Variants in MAP4 observed in about 807,000 individuals in gnomAD.
MAP4 encodes microtubule-associated protein 4.
Under a neutral mutation model 170.2 loss-of-function variants are expected in MAP4, and 76 were observed. The ratio of observed to expected loss-of-function variants is 0.45; its 90% CI spans 0.37 to 0.54. The LOEUF is 0.54. Ranked by LOEUF, MAP4 falls within the 20% of genes least tolerant of loss-of-function variation. MAP4 has a pLI of 0.00. For missense variants in MAP4, 2,506 were observed against 2,748.0 expected (o/e 0.91, Z 1.97); for synonymous variants, 909 against 994.5 (o/e 0.91, Z 1.62).
At chr3:47,959,737 C>T (rs935290826) in intron 3 of MAP4, among the ~76,000 whole-genome samples, 6 of 141,264 alleles carry the variant, frequency 4.2e-5, no homozygotes, top group Non-Finnish European at 7.5e-5. Flanking sequence ...CCACCCTGGG[C>T]GACAGAGCGA....
intron 1 of MAP4, among the ~76,000 whole-genome samples, chr3:48,052,838 G>A (rs1194283891): frequency 6.6e-6 from 1 of 152,164 alleles, no homozygotes; most frequent in Non-Finnish European, 1.5e-5. Context: ...AAATGAGCTT[G>A]CTGTGCACTA....
At chr3:48,071,847 C>G (rs184807192) in intron 1 of MAP4, among the ~76,000 whole-genome samples, 2 of 150,330 alleles carry the variant, frequency 1.3e-5, no homozygotes, top group Admixed American at 1.3e-4. Context: ...GAGGTTGCAG[C>G]GAGCCAAGAT....
rs1446091019 is a variant in MAP4, at chr3:47,911,647, T to C, written c.2774A>G (p.Lys925Arg). The change falls in exon 9 of 21, where the codon AAA becomes AGA. Residue 925 changes from lysine (K) to arginine (R), a missense_variant. Physicochemically the swap from Lys to Arg is conservative, Grantham distance 26. Around this residue, in one of 3 missense-constraint regions of MAP4, gnomAD observed 2,008 missense variants for 2,206.0 expected, o/e 0.91. Transcript: ENST00000683076. The surrounding 1 kb of genome is among the most constrained non-coding windows in gnomAD (Gnocchi z 4.0). ...KSQSVGPLNL[K>R]GPLAEVSAYN... is the part of the protein sequence containing the mutation. ...TGCAGAAACTTCTGCTAGGGGTCCTTTCAGATTGAGAGGGCCTACTGACTG... is the reference window on the plus strand; with the variant it reads ...TGCAGAAACTTCTGCTAGGGGTCCTCTCAGATTGAGAGGGCCTACTGACTG... 1.3e-6 allele frequency: 2 copies of C among 1,536,032 alleles called. No homozygotes were observed. The highest frequency in any genetic ancestry group is 2.4e-5 in the South Asian group (2 of 84,050).
intron 15 of MAP4, among the ~76,000 whole-genome samples, chr3:47,870,531 A>G (rs1001088696): frequency 6.6e-6 from 1 of 152,134 alleles, no homozygotes; most frequent in Non-Finnish European, 1.5e-5. Flanking sequence ...TTCTTCTACA[A>G]AAGAATCCTT....
intron 1 of MAP4, among the ~76,000 whole-genome samples, chr3:48,008,303 A>G (rs1412757225): frequency 6.6e-6 from 1 of 152,218 alleles, no homozygotes; most frequent in Non-Finnish European, 1.5e-5. Context: ...ACAGAGGAAA[A>G]GAAGATTAGG....
chr3:48,041,096 T>A (rs753494004), intron 1 of MAP4, among the ~76,000 whole-genome samples: 6 of 152,192 alleles, frequency 3.9e-5, no homozygotes, highest in Non-Finnish European at 5.9e-5. Context: ...AAAAAAATAC[T>A]TAAAAGAAGT....
intron 3 of MAP4, among the ~76,000 whole-genome samples, chr3:47,945,023 T>C (rs1379573281): frequency 6.7e-6 from 1 of 148,426 alleles, no homozygotes; most frequent in East Asian, 2.0e-4. Context: ...AAAAAACACC[T>C]AGGGTTAAAT....
intron 1 of MAP4, among the ~76,000 whole-genome samples, chr3:48,028,469 T>C (rs1048239991): frequency 3.3e-5 from 5 of 151,428 alleles, no homozygotes; most frequent in Middle Eastern, 3.2e-3. Context: ...GGGAGAGAAA[T>C]GGAAAACAAA....
At chr3:47,866,919 A>T (rs1174750755) in intron 17 of MAP4, among the ~76,000 whole-genome samples, 1 of 152,194 alleles carries the variant, frequency 6.6e-6, no homozygotes, top group Non-Finnish European at 1.5e-5. Flanking sequence ...CATCCCAGGA[A>T]CGGACTCCAG....
At chr3:48,000,620 C>G (rs2154381089) in intron 1 of MAP4, among the ~76,000 whole-genome samples, 1 of 152,282 alleles carries the variant, frequency 6.6e-6, no homozygotes, top group South Asian at 2.1e-4. Context: ...CCATGAGTGA[C>G]AGCTATTTAG....
chr3:47,975,430 T>G, intron 3 of MAP4: 2 of 1,566,678 alleles, frequency 1.3e-6, no homozygotes, highest in South Asian at 2.4e-5. Flanking sequence ...GGTCTGGTGT[T>G]GCAGCAGCCC....
chr3:48,079,740 G>A (rs977249367), intron 1 of MAP4, among the ~76,000 whole-genome samples: 1 of 152,080 alleles, frequency 6.6e-6, no homozygotes, highest in Non-Finnish European at 1.5e-5. Context: ...CAAGAGGTCA[G>A]GAGATCGAGA....
chr3:47,877,727 C>T (rs538508136), intron 10 of MAP4: 1 of 437,422 alleles, frequency 2.3e-6, no homozygotes, highest in Non-Finnish European at 4.1e-6. Flanking sequence ...ATTCAGAGAG[C>T]CTGACCCTGT....
chr3:48,024,256 G>A (rs913514345), intron 1 of MAP4, among the ~76,000 whole-genome samples: 3 of 152,104 alleles, frequency 2.0e-5, no homozygotes, highest in African/African-American at 7.2e-5. Flanking sequence ...GTTGCAGTGA[G>A]CTGAGATCAC....
intron 1 of MAP4, among the ~76,000 whole-genome samples, chr3:48,072,682 G>A (rs1000496633): frequency 6.6e-6 from 1 of 152,130 alleles, no homozygotes; most frequent in Non-Finnish European, 1.5e-5. Context: ...GTATAGAAGA[G>A]CAGAGACAAA....
rs1221845399 is a variant in MAP4, at chr3:48,014,064, T to A, written c.-20+2270A>T. On this transcript the variant is annotated intron_variant, in intron 1 of 20. Coordinates refer to ENST00000683076, the MANE Select transcript of MAP4 (RefSeq NM_001385682.1). ...TACTCTCTTGACTACAATCTCACTA[T>A]TAAGAGCTAGGTGCTCATAAACAGG... Among the ~76,000 whole-genome samples, 3 of 152,214 alleles carry A rather than the reference T, an allele frequency of 2.0e-5. No homozygotes were observed. The South Asian group carries it at 6.2e-4, about 32-fold the overall frequency.
At chr3:47,956,909 T>C (rs1342248809) in intron 3 of MAP4, among the ~76,000 whole-genome samples, 1 of 152,204 alleles carries the variant, frequency 6.6e-6, no homozygotes, top group Non-Finnish European at 1.5e-5. Flanking sequence ...AATCTGTTAA[T>C]GGCACAGACT....
intron 1 of MAP4, among the ~76,000 whole-genome samples, chr3:48,025,012 G>T (rs561846545): frequency 6.6e-6 from 1 of 151,732 alleles, no homozygotes; most frequent in Non-Finnish European, 1.5e-5. Context: ...GAGTGCAGTG[G>T]CATGACCATG....
At chr3:47,863,510 A>ACG in intron 17 of MAP4, among the ~76,000 whole-genome samples, 1 of 151,012 alleles carries the variant, frequency 6.6e-6, no homozygotes, top group East Asian at 2.0e-4. Context: ...TGCAGAAGCC[A>ACG]CGCTGGCTCT....
Sources: gnomAD v4.1 joint callset for allele counts (sites outside exome capture counted in the v4.1 genomes callset) on GRCh38, gnomAD v4.1.1 for gene constraint, gnomAD v4.1.1 regional missense constraint, Gnocchi (gnomAD v3.1) non-coding constraint, MANE v1.5 for transcripts, NCBI Gene and HGNC (gene_info 2026-07-23, HGNC 2026-07-21) for gene names.